The following GAD2 variants were observed in gnomAD, a reference collection of about 807,000 sequenced individuals.
GAD2 encodes the protein glutamate decarboxylase 2, also known as 65 kDa glutamic acid decarboxylase.
GAD2 carries 22 observed loss-of-function variants against 80.1 expected under a neutral mutation model. The observed-to-expected ratio is 0.27, with a 90% confidence interval of 0.20 to 0.39. The LOEUF (loss-of-function observed/expected upper bound fraction) is 0.39, where lower values mean the gene tolerates loss of function less well. Among genes scored for constraint, GAD2 ranks in the 10% least tolerant of loss-of-function variants. The pLI is 1.00. For missense variants in GAD2, 624 were observed against 738.4 expected, an observed-to-expected ratio of 0.85 and a Z score of 1.80; for synonymous variants, 274 against 256.9, an observed-to-expected ratio of 1.07 and a Z score of -0.64.
intron 6 of GAD2, 71 bp from the exon 7 acceptor site, chr10:26,229,591 A>T (rs1844572675): frequency 9.3e-7 from 1 of 1,072,790 alleles, no homozygotes; most frequent in African/African-American, 1.6e-5. Context: ...CAGTGGAAAT[A>T]AGGAATGTTG....
intron 11 of GAD2, 117 bp from the exon 12 acceptor site, chr10:26,280,891 TA>T: frequency 1.6e-6 from 1 of 636,190 alleles, no homozygotes. Context: ...AATAAATAAA[TA>T]CATTTAGTGT....
chr10:26,241,227 G>A lies in GAD2; in HGVS notation c.841-4694G>A, dbSNP rs576423186. Among the ~76,000 whole-genome samples the A allele has an allele frequency of 3.9e-5, 6 of 152,276 alleles. No individual in the cohort carries two copies. The South Asian group carries it at 1.2e-3, about 32-fold the overall frequency. ...TCTACTGTAATTTTTCGCAAATCCAGGGAGGGGACGAGGGTATTCTCATTA... is the reference window on the plus strand; with the variant it reads ...TCTACTGTAATTTTTCGCAAATCCAAGGAGGGGACGAGGGTATTCTCATTA... On this transcript the variant is annotated intron_variant, in intron 7 of 15. Transcript: ENST00000376261.
At chr10:26,223,708 C>CGT (rs1844482749) in intron 4 of GAD2, among the ~76,000 whole-genome samples, 179 bp from the exon 5 acceptor site, 1 of 146,692 alleles carries the variant, frequency 6.8e-6, no homozygotes, top group Admixed American at 6.8e-5. Context: ...TGTGTATGTG[C>CGT]ATGTGTGTGT....
intron 12 of GAD2, 24 bp from the exon 13 acceptor site, chr10:26,286,321 T>C (rs763858423): frequency 1.3e-6 from 2 of 1,596,472 alleles, no homozygotes; most frequent in Admixed American, 1.8e-5. Flanking sequence ...TAGAATTTCC[T>C]AAATTTTCTC....
intron 8 of GAD2, among the ~76,000 whole-genome samples, chr10:26,252,169 G>A (rs561520961): frequency 3.9e-5 from 6 of 152,198 alleles, no homozygotes; most frequent in African/African-American, 7.2e-5. Flanking sequence ...GTAGTTACCC[G>A]TTCCTACCAC....
At chr10:26,289,907 A>C (rs968068273) in intron 13 of GAD2, among the ~76,000 whole-genome samples, 5 of 150,650 alleles carry the variant, frequency 3.3e-5, no homozygotes, top group Non-Finnish European at 5.9e-5. Context: ...ATTCTCCTAC[A>C]TTCCCTTTTC....
chr10:26,277,539 A>T (rs1845224150), intron 11 of GAD2, among the ~76,000 whole-genome samples: 1 of 152,204 alleles, frequency 6.6e-6, no homozygotes, highest in African/African-American at 2.4e-5. Context: ...TTAACTCTGC[A>T]TTAGAGAGGA....
rs8190784 is a variant in GAD2, at chr10:26,292,404, G to T, written c.1387-61G>T. The T allele has an allele frequency of 3.2e-6, 4 of 1,242,572 alleles. No individual in the cohort carries two copies. In the East Asian group the frequency reaches 9.3e-5, roughly 29 times the overall value. 77.0% of individuals were successfully genotyped at this position (1,242,572 alleles called of 1,614,324 possible). On this transcript the variant is annotated intron_variant, in intron 13 of 15. Coordinates refer to ENST00000376261, the MANE Select transcript of GAD2 (RefSeq NM_001134366.2). ...ACGGCAGGATGACGGTCAGTCTCCA[G>T]GGAAATCGCTTCCTCCGCACTCTTA...
chr10:26,226,800 C>G (rs1011517977), intron 6 of GAD2, among the ~76,000 whole-genome samples: 6 of 152,136 alleles, frequency 3.9e-5, no homozygotes, highest in African/African-American at 1.4e-4. Context: ...TTTAGGACTC[C>G]TAGAAGAAAT....
At chr10:26,273,523 C>G in intron 10 of GAD2, 113 bp from the exon 11 acceptor site, 1 of 829,108 alleles carries the variant, frequency 1.2e-6, no homozygotes, top group South Asian at 1.5e-5. Flanking sequence ...AGGAGGTGGT[C>G]AACTTCCTAA....
intron 15 of GAD2, among the ~76,000 whole-genome samples, 182 bp from the exon 16 acceptor site, chr10:26,300,606 G>A (rs1834319016): frequency 6.6e-6 from 1 of 152,152 alleles, no homozygotes; most frequent in Non-Finnish European, 1.5e-5. Flanking sequence ...GCAGGATCTT[G>A]AATGTGTTAG....
At chr10:26,285,490 C>T (rs1270984524) in intron 12 of GAD2, among the ~76,000 whole-genome samples, 6 of 152,212 alleles carry the variant, frequency 3.9e-5, no homozygotes, top group Admixed American at 6.5e-5. Context: ...AATTGAAACA[C>T]GGGGTTTTTA....
At chr10:26,279,048 C>T (rs1274432197) in intron 11 of GAD2, among the ~76,000 whole-genome samples, 2 of 152,038 alleles carry the variant, frequency 1.3e-5, no homozygotes, top group African/African-American at 4.8e-5. Flanking sequence ...TAATACTTTC[C>T]TTCCTCCTTT....
intron 8 of GAD2, among the ~76,000 whole-genome samples, chr10:26,263,987 A>G (rs1589147681): frequency 6.6e-6 from 1 of 152,222 alleles, no homozygotes; most frequent in East Asian, 1.9e-4. Context: ...GTTATCAGAC[A>G]GCTCTAGATT....
chr10:26,223,155 C>G (rs1230684840), intron 4 of GAD2, among the ~76,000 whole-genome samples: 1 of 152,288 alleles, frequency 6.6e-6, no homozygotes, highest in African/African-American at 2.4e-5. Context: ...GTATATCTTT[C>G]TGTATCTTGT....
chr10:26,296,781 A>G (rs1039171272), intron 15 of GAD2, among the ~76,000 whole-genome samples: 1 of 152,106 alleles, frequency 6.6e-6, no homozygotes, highest in African/African-American at 2.4e-5. Context: ...TGATTGGAGG[A>G]CTTTTCAAAG....
At position 26,257,535 on chromosome 10, in the gene GAD2, C is replaced by A. The variant is rs916049026; in HGVS notation, c.920+11535C>A. ...TTACAGAAAATAAATCTGACCAAGA[C>A]GCATGATACCTAGTGGCATAGGACT... On this transcript the variant is annotated intron_variant, in intron 8 of 15. Coordinates refer to ENST00000376261, the MANE Select transcript of GAD2 (RefSeq NM_001134366.2). Among the ~76,000 whole-genome samples the A allele has an allele frequency of 2.0e-5, 3 of 152,222 alleles. No individual in the cohort carries two copies. The East Asian group carries it at 5.8e-4, about 29-fold the overall frequency.
At chr10:26,218,228 C>A in intron 3 of GAD2, 1 of 413,544 alleles carries the variant, frequency 2.4e-6, no homozygotes, top group Non-Finnish European at 4.2e-6. Context: ...GCTCTTCCCC[C>A]AGCGCGGCCC....
intron 8 of GAD2, among the ~76,000 whole-genome samples, chr10:26,266,333 C>T (rs569557319): frequency 2.0e-5 from 3 of 152,082 alleles, no homozygotes; most frequent in Middle Eastern, 3.2e-3. Context: ...TATTTTAAAC[C>T]GGGACTTCAA....
Sources: allele counts gnomAD v4.1 joint callset (sites outside exome capture counted in the v4.1 genomes callset), GRCh38; gene constraint gnomAD v4.1.1; transcripts MANE v1.5; gene names NCBI Gene and HGNC (gene_info 2026-07-23, HGNC 2026-07-21).